The following UPK1B variants were observed in gnomAD, a reference collection of about 807,000 sequenced individuals.
UPK1B encodes uroplakin-1b.
A neutral mutation model predicts 34.2 loss-of-function variants in UPK1B; 28 were observed. The observed-to-expected ratio is 0.82, with a 90% confidence interval of 0.61 to 1.12. UPK1B has a LOEUF of 1.12. Among genes scored for constraint, UPK1B ranks in the 50% most tolerant of loss-of-function variants. The pLI is 0.00. For missense variants in UPK1B, 325 were observed against 320.9 expected (o/e 1.01, Z -0.10); for synonymous variants, 81 against 110.4 (o/e 0.73, Z 1.67).
At chr3:119,193,761 T>C (rs1012717591) in intron 5 of UPK1B, among the ~76,000 whole-genome samples, 6 of 152,238 alleles carry the variant, frequency 3.9e-5, no homozygotes, top group African/African-American at 1.2e-4. Flanking sequence ...TGCTCTGATA[T>C]ATCAGAATAA....
chr3:119,187,514 G>A (rs1336379268), intron 2 of UPK1B, among the ~76,000 whole-genome samples: 3 of 152,214 alleles, frequency 2.0e-5, no homozygotes, highest in African/African-American at 7.2e-5. Flanking sequence ...CATTGTTTGA[G>A]TGATTCATGC....
At chr3:119,192,238 T>C (rs1243299832) in intron 5 of UPK1B, among the ~76,000 whole-genome samples, 1 of 152,198 alleles carries the variant, frequency 6.6e-6, no homozygotes, top group Non-Finnish European at 1.5e-5. Flanking sequence ...ACTTTTTAAC[T>C]TTTATCACCC....
In UPK1B at chr3:119,190,244, G is replaced by A; in HGVS notation, c.271-1G>A. On this transcript the variant is annotated splice_acceptor_variant, in intron 3 of 7. Transcript: ENST00000264234. LOFTEE classifies it high-confidence loss of function. Reference sequence around the variant, plus strand: ...TTTTATCTCATTTATTTCCCTTCCAGTATTTCATTCTGATGTTTATAGTAT... The same window carrying A: ...TTTTATCTCATTTATTTCCCTTCCAATATTTCATTCTGATGTTTATAGTAT... 6 of 1,594,482 alleles carry A rather than the reference G, an allele frequency of 3.8e-6. No individual in the cohort carries two copies. Among genetic ancestry groups the A allele is most frequent in the Non-Finnish European group, 5.1e-6 (6 of 1,166,888 alleles).
rs930939251 is a variant in UPK1B, at chr3:119,193,553, C to T, written c.469-666C>T. Among the ~76,000 whole-genome samples the T allele has an allele frequency of 6.6e-5, 10 of 152,262 alleles. No homozygotes were observed. The South Asian group carries it at 1.5e-3, about 22-fold the overall frequency. ...TTGGTCTCCCTCCCCTATGTGGAGA[C>T]ATAGCTCTGTGTCACCAGGTTATTT... On this transcript the variant is annotated intron_variant, in intron 5 of 7. Transcript: ENST00000264234.
intron 1 of UPK1B, among the ~76,000 whole-genome samples, chr3:119,184,510 G>C (rs979744296): frequency 6.7e-6 from 1 of 150,138 alleles, no homozygotes; most frequent in Admixed American, 6.7e-5. Context: ...ACAAGGTCAG[G>C]AGTTCGAGAC....
intron 1 of UPK1B, among the ~76,000 whole-genome samples, chr3:119,175,302 C>T (rs2077951181): frequency 6.6e-6 from 1 of 152,124 alleles, no homozygotes; most frequent in Admixed American, 6.5e-5. Context: ...GCTGAGATTA[C>T]AGGCTTGAGC....
chr3:119,182,875 G>A (rs1274126865), intron 1 of UPK1B, among the ~76,000 whole-genome samples: 1 of 152,194 alleles, frequency 6.6e-6, no homozygotes, highest in African/African-American at 2.4e-5. Flanking sequence ...CTGGTCTTGG[G>A]GGTAGGTGGA....
intron 1 of UPK1B, among the ~76,000 whole-genome samples, chr3:119,177,906 A>T (rs969616249): frequency 7.9e-5 from 12 of 152,220 alleles, no homozygotes; most frequent in African/African-American, 2.9e-4. Context: ...TGCTATAGGC[A>T]GAGAGAGGGA....
chr3:119,178,491 G>A (rs2077969411), intron 1 of UPK1B, among the ~76,000 whole-genome samples: 1 of 152,172 alleles, frequency 6.6e-6, no homozygotes, highest in South Asian at 2.1e-4. Context: ...TTTTAGGACA[G>A]TGGATCTCAA....
rs1233493059 is a variant in UPK1B at position 119,194,843 on chromosome 3, A to G, written c.648+445A>G. Reference sequence around the variant, plus strand: ...CATCCACATTCCTTATTCAATGGTAAAGTAGGACAGTCTTAATAAACATTA... The same window carrying G: ...CATCCACATTCCTTATTCAATGGTAGAGTAGGACAGTCTTAATAAACATTA... On this transcript the variant is annotated intron_variant, in intron 6 of 7. Transcript: ENST00000264234. Among the ~76,000 whole-genome samples the G allele has an allele frequency of 2.6e-5, 4 of 152,368 alleles. 1 individual carries two copies. Among genetic ancestry groups the G allele is most frequent in the Non-Finnish European group, 5.9e-5 (4 of 68,038 alleles).
intron 3 of UPK1B, among the ~76,000 whole-genome samples, chr3:119,189,425 A>G (rs913282618): frequency 6.6e-6 from 1 of 152,228 alleles, no homozygotes; most frequent in Admixed American, 6.5e-5. Flanking sequence ...AAGCCTGGGG[A>G]AGGCAAAGCT....
At chr3:119,199,225 C>T in intron 7 of UPK1B, 85 bp downstream of exon 7, 1 of 1,438,148 alleles carries the variant, frequency 7.0e-7, no homozygotes, top group Non-Finnish European at 9.6e-7. Flanking sequence ...CTCAACCACA[C>T]TAGAAAGTCT....
intron 1 of UPK1B, among the ~76,000 whole-genome samples, chr3:119,177,590 C>G (rs974268621): frequency 1.3e-5 from 2 of 152,200 alleles, no homozygotes; most frequent in African/African-American, 4.8e-5. Context: ...TTTAATGTCT[C>G]TCAAATTACA....
At chr3:119,180,936 C>G (rs1433719462) in intron 1 of UPK1B, among the ~76,000 whole-genome samples, 1 of 152,152 alleles carries the variant, frequency 6.6e-6, no homozygotes, top group Non-Finnish European at 1.5e-5. Flanking sequence ...TTTTCCAGGA[C>G]TTTTCTAGAC....
chr3:119,188,910 A>C (rs774219171), intron 3 of UPK1B, among the ~76,000 whole-genome samples: 4 of 152,138 alleles, frequency 2.6e-5, no homozygotes, highest in Non-Finnish European at 5.9e-5. Flanking sequence ...CCTGGTTCCA[A>C]TGGATTACAG....
chr3:119,203,415 A>C (rs189729968), intron 7 of UPK1B, among the ~76,000 whole-genome samples: 6 of 152,084 alleles, frequency 3.9e-5, no homozygotes, highest in African/African-American at 1.4e-4. Flanking sequence ...GCCCATCAGC[A>C]ATAGACTGGA....
chr3:119,189,062 T>G (rs902093016), intron 3 of UPK1B, among the ~76,000 whole-genome samples: 3 of 152,104 alleles, frequency 2.0e-5, no homozygotes, highest in Non-Finnish European at 4.4e-5. Context: ...CATCCCAGCC[T>G]CACTTTGGGC....
At chr3:119,180,534 A>G (rs960631109) in intron 1 of UPK1B, among the ~76,000 whole-genome samples, 3 of 152,238 alleles carry the variant, frequency 2.0e-5, no homozygotes, top group Non-Finnish European at 4.4e-5. Flanking sequence ...AGAAGCTATT[A>G]ACAAAGGCAA....
intron 1 of UPK1B, among the ~76,000 whole-genome samples, chr3:119,176,639 G>A (rs151185926): frequency 8.5e-5 from 13 of 152,254 alleles, no homozygotes; most frequent in Middle Eastern, 3.4e-3. Flanking sequence ...GGTGAGTTGC[G>A]TACTTTCAGT....
Sources: gnomAD v4.1 joint callset for allele counts (sites outside exome capture counted in the v4.1 genomes callset) on GRCh38, gnomAD v4.1.1 for gene constraint, MANE v1.5 for transcripts, NCBI Gene and HGNC (gene_info 2026-07-23, HGNC 2026-07-21) for gene names.